The following TRAPPC9 variants were observed in gnomAD, a reference collection of about 807,000 sequenced individuals.
The protein encoded by TRAPPC9 is IKK2 binding protein.
TRAPPC9 carries 83 observed loss-of-function variants against 124.0 expected under a neutral mutation model. That is an observed-to-expected ratio of 0.67 (90% CI 0.56 to 0.80). TRAPPC9 has a LOEUF of 0.80. TRAPPC9 is among the 30% of genes least tolerant of loss of function. The probability of loss-of-function intolerance (pLI) is 0.00; values close to 1 mark genes in which losing one functional copy is unlikely to be tolerated. For missense variants in TRAPPC9, 1,302 were observed against 1,508.3 expected (o/e 0.86, Z 2.27); for synonymous variants, 638 against 617.5 (o/e 1.03, Z -0.49).
chr8:139,916,385 AC>A (rs1832130903), intron 19 of TRAPPC9: 1 of 152,180 alleles, frequency 6.6e-6, no homozygotes, highest in Non-Finnish European at 1.5e-5. Context: ...TGATTCTGAA[AC>A]CCGCATTACA....
intron 20 of TRAPPC9, among the ~76,000 whole-genome samples, chr8:139,889,482 T>G (rs938711737): frequency 2.0e-5 from 3 of 152,088 alleles, no homozygotes; most frequent in Non-Finnish European, 2.9e-5. Flanking sequence ...GCTCAGTCCC[T>G]GAGGGAGACA....
At chr8:140,191,593 T>C (rs973929828) in intron 17 of TRAPPC9, among the ~76,000 whole-genome samples, 2 of 152,180 alleles carry the variant, frequency 1.3e-5, no homozygotes, top group African/African-American at 4.8e-5. Flanking sequence ...CCTTTTGCCA[T>C]GATTGTAAGC....
At chr8:140,431,343 GCTA>G (rs2070637910) in intron 4 of TRAPPC9, among the ~76,000 whole-genome samples, 1 of 151,934 alleles carries the variant, frequency 6.6e-6, no homozygotes, top group African/African-American at 2.4e-5. Context: ...TGTAATCCCA[GCTA>G]CTCGGGAGGC....
chr8:139,813,863 G>T (rs1348852177), intron 21 of TRAPPC9, among the ~76,000 whole-genome samples: 2 of 152,010 alleles, frequency 1.3e-5, no homozygotes, highest in African/African-American at 2.4e-5. Flanking sequence ...ACGGCACCGG[G>T]GGTGAGGTGA....
chr8:139,890,545 G>A (rs1258976133), intron 20 of TRAPPC9, among the ~76,000 whole-genome samples: 5 of 152,212 alleles, frequency 3.3e-5, no homozygotes, highest in Non-Finnish European at 5.9e-5. Flanking sequence ...GTGGAGAGAG[G>A]GCTGGCCTGG....
At chr8:140,382,215 A>T (rs1047282607) in intron 7 of TRAPPC9, among the ~76,000 whole-genome samples, 20 of 152,224 alleles carry the variant, frequency 1.3e-4, no homozygotes, top group Admixed American at 1.2e-3. Context: ...AGCGTGAGCG[A>T]CACAGAAGAT....
chr8:140,125,171 G>A (rs988841119), intron 17 of TRAPPC9, among the ~76,000 whole-genome samples: 7 of 152,242 alleles, frequency 4.6e-5, no homozygotes, highest in Admixed American at 1.3e-4. Flanking sequence ...AGGTCAGCAG[G>A]CAGAGGCCCA....
intron 21 of TRAPPC9, among the ~76,000 whole-genome samples, chr8:139,871,788 C>T (rs188882174): frequency 1.1e-4 from 17 of 152,084 alleles, no homozygotes; most frequent in East Asian, 3.9e-4. Context: ...GGTGAATGGA[C>T]GAATATGTGG....
At chr8:139,807,714 ATTCT>A (rs750223582) in intron 21 of TRAPPC9, among the ~76,000 whole-genome samples, 62 of 152,186 alleles carry the variant, frequency 4.1e-4, no homozygotes, top group Non-Finnish European at 7.1e-4. Flanking sequence ...CACCCGAGAA[ATTCT>A]TTCTTTGACT....
chr8:139,905,901 T>C (rs906762454), intron 20 of TRAPPC9, among the ~76,000 whole-genome samples: 3 of 151,972 alleles, frequency 2.0e-5, no homozygotes, highest in Non-Finnish European at 4.4e-5. Flanking sequence ...CAGACCATTA[T>C]GGCCAACATG....
chr8:140,395,764 AC>A (rs1227521445), intron 7 of TRAPPC9, among the ~76,000 whole-genome samples: 2 of 150,574 alleles, frequency 1.3e-5, no homozygotes, highest in Non-Finnish European at 3.0e-5. Context: ...TCTCTCCTCC[AC>A]CCCCTGCCCT....
At chr8:139,801,945 A>G (rs1244854359) in intron 21 of TRAPPC9, among the ~76,000 whole-genome samples, 1 of 152,172 alleles carries the variant, frequency 6.6e-6, no homozygotes, top group Non-Finnish European at 1.5e-5. Context: ...GCCTGTGGAC[A>G]TGGTTCCTGG....
chr8:140,060,398 G>A (rs1460334560), intron 17 of TRAPPC9, among the ~76,000 whole-genome samples: 1 of 152,214 alleles, frequency 6.6e-6, no homozygotes, highest in African/African-American at 2.4e-5. Context: ...GCCTTGTGGT[G>A]ACCCCCAGAA....
At chr8:140,285,182 C>A (rs1289701023) in intron 13 of TRAPPC9, among the ~76,000 whole-genome samples, 1 of 152,174 alleles carries the variant, frequency 6.6e-6, no homozygotes, top group Admixed American at 6.5e-5. Context: ...TAGTCTGGAC[C>A]CAGGATAAAC....
intron 21 of TRAPPC9, among the ~76,000 whole-genome samples, chr8:139,853,937 A>G (rs554197116): frequency 6.6e-6 from 1 of 152,378 alleles, no homozygotes; most frequent in East Asian, 1.9e-4. Flanking sequence ...GTTATCACAT[A>G]CATGTGTATA....
intron 21 of TRAPPC9, among the ~76,000 whole-genome samples, chr8:139,791,345 T>TCA (rs1205300412): frequency 4.6e-4 from 45 of 98,000 alleles, no homozygotes; most frequent in Non-Finnish European, 7.7e-4. Flanking sequence ...ACGCTCACAC[T>TCA]CACACAGGCG....
At position 140,221,514 on chromosome 8, in the gene TRAPPC9, C is replaced by G. The variant is rs1310348144; in HGVS notation, c.2501G>C (p.Gly834Ala). 1 of 1,613,994 alleles carries G rather than the reference C, an allele frequency of 6.2e-7. No individual in the cohort carries two copies. The highest frequency in any genetic ancestry group is 8.5e-7 in the Non-Finnish European group (1 of 1,180,008). Reference sequence around the variant, plus strand: ...GCTCTCGGGTGGGTTCACAGGTTTGCCCTCCACTCGGGGCCGAACGACCTG... The same window carrying G: ...GCTCTCGGGTGGGTTCACAGGTTTGGCCTCCACTCGGGGCCGAACGACCTG... ...FRQVVRPRVE[G>A]KPVNPPESNK... The change falls in exon 17 of 23, where the codon GGC (glycine) becomes GCC (alanine). Residue 834 changes from glycine (G) to alanine (A), a missense_variant. Physicochemically the swap from Gly to Ala is moderately conservative, Grantham distance 60. Coordinates refer to ENST00000438773, the MANE Select transcript of TRAPPC9 (RefSeq NM_001160372.4).
chr8:139,837,874 C>T (rs1826462586), intron 21 of TRAPPC9, among the ~76,000 whole-genome samples: 1 of 152,122 alleles, frequency 6.6e-6, no homozygotes, highest in South Asian at 2.1e-4. Flanking sequence ...GCTGGCATGG[C>T]AGTTCAGGCC....
chr8:139,970,359 TCTTAGAAATTAGGGAGC>T (rs1169953038), intron 19 of TRAPPC9, among the ~76,000 whole-genome samples: 2 of 152,106 alleles, frequency 1.3e-5, no homozygotes, highest in African/African-American at 4.8e-5. Flanking sequence ...GATGTGAAAG[TCTTAGAAATTAGGGAGC>T]CCAGGACATG....
Sources: allele counts gnomAD v4.1 joint callset (sites outside exome capture counted in the v4.1 genomes callset), GRCh38; gene constraint gnomAD v4.1.1; transcripts MANE v1.5; gene names NCBI Gene and HGNC (gene_info 2026-07-23, HGNC 2026-07-21).